PPP3CC: variants seen among roughly 807,000 people sequenced by gnomAD.
PPP3CC encodes the protein protein phosphatase 3 catalytic subunit gamma, also known as serine/threonine-protein phosphatase 2B catalytic subunit gamma isoform.
PPP3CC carries 35 observed loss-of-function variants against 60.3 expected under a neutral mutation model. The observed-to-expected ratio is 0.58, with a 90% CI of 0.44 to 0.77. The LOEUF (loss-of-function observed/expected upper bound fraction) is 0.77. Ranked by LOEUF, PPP3CC falls within the 30% of genes least tolerant of loss-of-function variation. PPP3CC has a pLI of 0.00. For missense variants in PPP3CC, 570 were observed against 628.9 expected (o/e 0.91, Z 1.00); for synonymous variants, 206 against 224.3 (o/e 0.92, Z 0.73).
At chr8:22,489,931 C>T (rs1838349372) in intron 3 of PPP3CC, among the ~76,000 whole-genome samples, 1 of 151,138 alleles carries the variant, frequency 6.6e-6, no homozygotes, top group Admixed American at 6.6e-5. Flanking sequence ...AAGCAATTCT[C>T]CTGCCTCAGC....
intron 1 of PPP3CC, among the ~76,000 whole-genome samples, chr8:22,454,729 T>C (rs1171907872): frequency 6.6e-6 from 1 of 152,196 alleles, no homozygotes; most frequent in Non-Finnish European, 1.5e-5. Context: ...GACTGAAATA[T>C]TGCTATGTGG....
intron 1 of PPP3CC, among the ~76,000 whole-genome samples, chr8:22,442,317 C>T (rs1014626068): frequency 5.3e-5 from 8 of 152,174 alleles, no homozygotes; most frequent in Non-Finnish European, 1.0e-4. Context: ...TAGACTTAGA[C>T]CAGCTGTGTT....
rs570477839 is a variant in PPP3CC, at chr8:22,517,405, C to T, written c.770+3973C>T. Among the ~76,000 whole-genome samples, 152 of 151,518 alleles carry T rather than the reference C, an allele frequency of 1.0e-3. 1 individual carries two copies. The highest frequency in any genetic ancestry group is 2.5e-3 in the Admixed American group (38 of 15,162). ...TGTGAGTTTGGAAGAATTCTCTCTT[C>T]TATTTTTTGGAAGGTTTAAGAAAGA... On this transcript the variant is annotated intron_variant, in intron 6 of 13. Transcript: ENST00000240139.
chr8:22,478,426 A>G (rs1837964032), intron 3 of PPP3CC, among the ~76,000 whole-genome samples: 1 of 152,226 alleles, frequency 6.6e-6, no homozygotes, highest in African/African-American at 2.4e-5. Context: ...TTGGGATTAC[A>G]GGCATGAGCC....
At chr8:22,475,789 T>C (rs1021014068) in intron 3 of PPP3CC, 165 bp downstream of exon 3, 2 of 695,928 alleles carry the variant, frequency 2.9e-6, no homozygotes, top group African/African-American at 3.7e-5. Flanking sequence ...AGAACAGTTA[T>C]TCCTTTTTTA....
intron 6 of PPP3CC, among the ~76,000 whole-genome samples, chr8:22,517,773 G>C (rs191701281): frequency 4.0e-5 from 6 of 151,852 alleles, no homozygotes; most frequent in African/African-American, 1.4e-4. Context: ...CTAAGGGTTT[G>C]TCAATTTTGT....
chr8:22,441,167 C>T lies in PPP3CC; in HGVS notation c.-243C>T. The T allele has an allele frequency of 2.6e-6, 1 of 389,000 alleles. No individual in the cohort carries two copies. The highest frequency in any genetic ancestry group is 4.6e-6 in the Non-Finnish European group (1 of 218,884). 24.1% of individuals were successfully genotyped at this position (389,000 alleles called of 1,614,324 possible). A position where few individuals can be genotyped will look rare whatever the true frequency, so the allele number is the denominator to read the frequency against. On this transcript the variant is annotated 5_prime_UTR_variant, in exon 1 of 14. Transcript: ENST00000240139. ...CGCGGTCGGTGCCGAAGCGGTGTTC[C>T]CCGCCTTAGCCGCTGGCGCCTCCCA...
intron 1 of PPP3CC, among the ~76,000 whole-genome samples, chr8:22,445,695 A>G (rs1836800047): frequency 6.6e-6 from 1 of 152,176 alleles, no homozygotes; most frequent in Admixed American, 6.5e-5. Context: ...TTCAGTGGGG[A>G]CACATTAGTC....
chr8:22,460,867 A>T (rs1005388080), intron 1 of PPP3CC, among the ~76,000 whole-genome samples: 1 of 152,070 alleles, frequency 6.6e-6, no homozygotes, highest in African/African-American at 2.4e-5. Context: ...ATTTTTTGAG[A>T]TAGAGTCTTG....
intron 3 of PPP3CC, among the ~76,000 whole-genome samples, chr8:22,485,698 A>G (rs1181533678): frequency 3.3e-5 from 5 of 152,226 alleles, no homozygotes; most frequent in East Asian, 3.8e-4. Flanking sequence ...AAACACAGAG[A>G]TGAATCTCTG....
At chr8:22,525,863 T>C (rs1365438797) in intron 8 of PPP3CC, among the ~76,000 whole-genome samples, 1 of 127,700 alleles carries the variant, frequency 7.8e-6, no homozygotes, top group Non-Finnish European at 1.6e-5. Context: ...CCTGGCCTCT[T>C]TCATATTATT....
At chr8:22,487,720 A>G (rs1027265910) in intron 3 of PPP3CC, among the ~76,000 whole-genome samples, 1 of 152,204 alleles carries the variant, frequency 6.6e-6, no homozygotes, top group Non-Finnish European at 1.5e-5. Flanking sequence ...GAGAAAAGAA[A>G]AGATTAAAGG....
At chr8:22,529,571 C>T (rs1273747625) in intron 10 of PPP3CC, among the ~76,000 whole-genome samples, 3 of 152,156 alleles carry the variant, frequency 2.0e-5, no homozygotes, top group South Asian at 2.1e-4. Flanking sequence ...GCAACCTTCA[C>T]CTCCCGAGTT....
At position 22,538,341 on chromosome 8, in the gene PPP3CC, T is replaced by A. The variant is rs1299010384; in HGVS notation, c.1322-1128T>A. Among the ~76,000 whole-genome samples the A allele has an allele frequency of 7.2e-5, 11 of 152,248 alleles. No homozygotes were observed. The South Asian group carries it at 2.1e-3, about 29-fold the overall frequency. On this transcript the variant is annotated intron_variant, in intron 12 of 13. Coordinates refer to ENST00000240139, the MANE Select transcript of PPP3CC (RefSeq NM_005605.5). Reference sequence around the variant, plus strand: ...GTGAGAAGGCACTGTAGCTTTCTTGTCAAGGGTATTTGTTCTACTTAAGGA... The same window carrying A: ...GTGAGAAGGCACTGTAGCTTTCTTGACAAGGGTATTTGTTCTACTTAAGGA...
chr8:22,539,383 A>G, intron 12 of PPP3CC, 86 bp from the exon 13 acceptor site: 1 of 1,448,372 alleles, frequency 6.9e-7, no homozygotes. Context: ...GGCCCCTGGG[A>G]TGGCTGTGCT....
At chr8:22,492,827 G>A in intron 3 of PPP3CC, 1 of 989,402 alleles carries the variant, frequency 1.0e-6, no homozygotes, top group Non-Finnish European at 1.6e-6. Context: ...CCAAGGAACA[G>A]TGATCCACTT....
intron 5 of PPP3CC, 55 bp from the exon 6 acceptor site, chr8:22,513,238 C>T (rs992030711): frequency 2.6e-6 from 4 of 1,554,038 alleles, no homozygotes; most frequent in African/African-American, 1.4e-5. Context: ...TACTAGTTTC[C>T]AAGAAGCCTT....
At chr8:22,469,876 C>G (rs1354037436) in intron 1 of PPP3CC, among the ~76,000 whole-genome samples, 1 of 151,664 alleles carries the variant, frequency 6.6e-6, no homozygotes. Flanking sequence ...CCTTAAGCCA[C>G]TAAGTTTTGG....
intron 1 of PPP3CC, among the ~76,000 whole-genome samples, chr8:22,459,911 A>G (rs1279349768): frequency 6.6e-6 from 1 of 152,218 alleles, no homozygotes; most frequent in Non-Finnish European, 1.5e-5. Flanking sequence ...GGACTTTTGA[A>G]AAATTGTTCT....
Sources: gnomAD v4.1 joint callset for allele counts (sites outside exome capture counted in the v4.1 genomes callset) on GRCh38, gnomAD v4.1.1 for gene constraint, MANE v1.5 for transcripts, NCBI Gene and HGNC (gene_info 2026-07-23, HGNC 2026-07-21) for gene names.